MYRIP: variants seen among roughly 807,000 people sequenced by gnomAD.
MYRIP encodes the protein rab effector MyRIP.
In MYRIP, 49 loss-of-function variants were observed where a neutral mutation model predicts 98.0. That is an observed-to-expected ratio of 0.50 (90% CI 0.40 to 0.63). The LOEUF (loss-of-function observed/expected upper bound fraction) is 0.63, where lower values mean the gene tolerates loss of function less well. Ranked by LOEUF, MYRIP falls within the 30% of genes least tolerant of loss-of-function variation. MYRIP has a pLI of 0.00. For synonymous variants in MYRIP, 404 were observed against 409.5 expected (o/e 0.99, Z 0.16); for missense variants, 1,004 against 1,058.2 (o/e 0.95, Z 0.71).
intron 3 of MYRIP, among the ~76,000 whole-genome samples, chr3:40,068,318 T>C (rs1201244895): frequency 1.3e-5 from 2 of 152,226 alleles, no homozygotes; most frequent in African/African-American, 4.8e-5. Flanking sequence ...ATTTAAAAAA[T>C]TCTAACTACT....
chr3:40,160,860 T>A (rs1346800284), intron 4 of MYRIP, among the ~76,000 whole-genome samples: 1 of 152,152 alleles, frequency 6.6e-6, no homozygotes, highest in East Asian at 1.9e-4. Flanking sequence ...CCTGCTTCGG[T>A]TCGCACACGG....
chr3:40,115,300 C>T (rs1432972390), intron 3 of MYRIP, among the ~76,000 whole-genome samples: 5 of 152,052 alleles, frequency 3.3e-5, no homozygotes, highest in Non-Finnish European at 7.4e-5. Context: ...TGAAGAAATA[C>T]CTGAGACTGG....
intron 5 of MYRIP, among the ~76,000 whole-genome samples, chr3:40,165,167 C>A (rs1950477390): frequency 6.6e-6 from 1 of 152,218 alleles, no homozygotes; most frequent in Non-Finnish European, 1.5e-5. Flanking sequence ...CTCTAGTTAT[C>A]AAAACATTGG....
intron 3 of MYRIP, among the ~76,000 whole-genome samples, chr3:40,133,952 G>A (rs1949703168): frequency 6.6e-6 from 1 of 152,200 alleles, no homozygotes; most frequent in Non-Finnish European, 1.5e-5. Flanking sequence ...CTCCCAGCAT[G>A]AGCGATGCAA....
At chr3:40,221,989 A>G (rs1396584228) in intron 11 of MYRIP, among the ~76,000 whole-genome samples, 1 of 152,208 alleles carries the variant, frequency 6.6e-6, no homozygotes, top group Non-Finnish European at 1.5e-5. Flanking sequence ...TCCAGATACA[A>G]GTGATACAGG....
intron 3 of MYRIP, among the ~76,000 whole-genome samples, chr3:40,112,563 C>A (rs1949180671): frequency 6.6e-6 from 1 of 152,216 alleles, no homozygotes; most frequent in Admixed American, 6.5e-5. Flanking sequence ...AATATTTCAA[C>A]AAATTCTGGC....
intron 3 of MYRIP, chr3:40,100,132 G>A: frequency 1.0e-6 from 1 of 985,392 alleles, no homozygotes; most frequent in Non-Finnish European, 1.2e-6. Flanking sequence ...CTGGCCATGA[G>A]GACATGGAGT....
chr3:40,236,960 T>A (rs1321207590), intron 12 of MYRIP, among the ~76,000 whole-genome samples: 1 of 151,738 alleles, frequency 6.6e-6, no homozygotes, highest in African/African-American at 2.4e-5. Flanking sequence ...ATTACAGACA[T>A]GAGCCATTAT....
intron 8 of MYRIP, chr3:40,173,284 T>C (rs1950664624): frequency 6.6e-6 from 1 of 152,184 alleles, no homozygotes; most frequent in African/African-American, 2.4e-5. Context: ...AACTAAGTGG[T>C]TGCAGGTTTC....
At chr3:40,154,505 T>C (rs1950179680) in intron 4 of MYRIP, among the ~76,000 whole-genome samples, 1 of 152,090 alleles carries the variant, frequency 6.6e-6, no homozygotes. Flanking sequence ...AGGTAACGAG[T>C]GCTCACATGG....
At chr3:39,809,284 C>G (rs1940574131), upstream of MYRIP, among the ~76,000 whole-genome samples, 2 of 151,730 alleles carry the variant, frequency 1.3e-5, no homozygotes, top group African/African-American at 4.8e-5. Context: ...CATGGGGGCT[C>G]CCGAACCGCG....
chr3:39,819,991 A>G lies in MYRIP; in HGVS notation c.-31+10075A>G, dbSNP rs184518752. Among the ~76,000 whole-genome samples the G allele has an allele frequency of 2.6e-5, 4 of 152,336 alleles. No homozygotes were observed. The East Asian group carries it at 7.7e-4, about 29-fold the overall frequency. ...GAATTCCATTTTGTGGCTGTGATTT[A>G]CAATGTGATACCACTGATGAGACAG... is the stretch of plus-strand genomic sequence containing the variant. On this transcript the variant is annotated intron_variant, in intron 1 of 16. Transcript: ENST00000302541.
intron 1 of MYRIP, among the ~76,000 whole-genome samples, chr3:39,877,529 G>A (rs1459412221): frequency 4.6e-5 from 7 of 152,100 alleles, no homozygotes; most frequent in African/African-American, 7.2e-5. Flanking sequence ...TGGTGTGGAT[G>A]TCCTTTCTGT....
Position 40,240,423 on chromosome 3 carries a change from C to T in MYRIP, c.2101-4023C>T, listed in dbSNP as rs528102677. ...GGAGTGCCAGACAGTGGGCGCAGGT[C>T]AGTGGGTGCGCACACTGTGCACGAG... is the stretch of plus-strand genomic sequence containing the variant. On this transcript the variant is annotated intron_variant, in intron 12 of 16. Coordinates refer to ENST00000302541, the MANE Select transcript of MYRIP (RefSeq NM_015460.4). 1.5e-4 allele frequency among the ~76,000 whole-genome samples: 23 copies of T among 152,316 alleles called. No homozygotes were observed. In the South Asian group the frequency reaches 4.8e-3, roughly 32 times the overall value.
chr3:40,123,929 A>C (rs1490452163), intron 3 of MYRIP, among the ~76,000 whole-genome samples: 1 of 152,170 alleles, frequency 6.6e-6, no homozygotes, highest in East Asian at 1.9e-4. Context: ...GAGAACTACA[A>C]TCAAGAAAGG....
At chr3:39,836,256 T>A (rs1941621173) in intron 1 of MYRIP, among the ~76,000 whole-genome samples, 2 of 152,222 alleles carry the variant, frequency 1.3e-5, no homozygotes, top group Admixed American at 1.3e-4. Context: ...CCAGCATCTT[T>A]GTTTCCTGAC....
At chr3:39,885,283 CT>C (rs1489881955) in intron 1 of MYRIP, among the ~76,000 whole-genome samples, 1 of 151,878 alleles carries the variant, frequency 6.6e-6, no homozygotes, top group Non-Finnish European at 1.5e-5. Flanking sequence ...GGAAATCATT[CT>C]TTTGTCTTTG....
intron 2 of MYRIP, among the ~76,000 whole-genome samples, chr3:39,983,956 T>G (rs1313547865): frequency 6.6e-6 from 1 of 152,154 alleles, no homozygotes; most frequent in South Asian, 2.1e-4. Context: ...CATATTTTCC[T>G]TTTTTGCTCT....
chr3:39,890,022 T>G (rs1388723644), intron 1 of MYRIP, among the ~76,000 whole-genome samples: 1 of 152,102 alleles, frequency 6.6e-6, no homozygotes, highest in Non-Finnish European at 1.5e-5. Flanking sequence ...TTGAGACTCA[T>G]TCTTCTCTAC....
Sources: allele counts gnomAD v4.1 joint callset (sites outside exome capture counted in the v4.1 genomes callset), GRCh38; gene constraint gnomAD v4.1.1; transcripts MANE v1.5; gene names NCBI Gene and HGNC (gene_info 2026-07-23, HGNC 2026-07-21).